Variants in GLTP observed in about 807,000 individuals in gnomAD.
The protein encoded by GLTP is glycolipid transfer protein.
GLTP carries 22 observed loss-of-function variants against 24.0 expected under a neutral mutation model. The observed-to-expected ratio is 0.92, with a 90% CI of 0.65 to 1.31. GLTP has a LOEUF of 1.31. Among genes scored for constraint, GLTP ranks in the 50% most tolerant of loss-of-function variants. The probability of loss-of-function intolerance (pLI) is 0.00; values close to 1 mark genes in which losing one functional copy is unlikely to be tolerated. For synonymous variants in GLTP, 92 were observed against 115.9 expected, an observed-to-expected ratio of 0.79 and a Z score of 1.33; for missense variants, 224 against 276.6, an observed-to-expected ratio of 0.81 and a Z score of 1.35.
At chr12:109,876,114 G>A (rs1311357335) in intron 1 of GLTP, among the ~76,000 whole-genome samples, 4 of 152,148 alleles carry the variant, frequency 2.6e-5, no homozygotes, top group South Asian at 2.1e-4. Context: ...AGGCTGAGGC[G>A]GACAGATCAC....
Position 109,880,408 on chromosome 12 carries a change from G to C in GLTP, c.-34C>G. ...CGAGGCCCGCGGTGATGCCCCAGCCGGCGCCGCGGGCGTCGACACCGCCCC... is the reference window on the plus strand; with the variant it reads ...CGAGGCCCGCGGTGATGCCCCAGCCCGCGCCGCGGGCGTCGACACCGCCCC... On this transcript the variant is annotated 5_prime_UTR_variant, in exon 1 of 5. Coordinates refer to ENST00000318348, the MANE Select transcript of GLTP (RefSeq NM_016433.4). This position sits in a 1 kb window ranked among gnomAD's most constrained non-coding sequence, Gnocchi z 5.1. 1.7e-6 allele frequency: 2 copies of C among 1,190,194 alleles called. No homozygotes were observed. The highest frequency in any genetic ancestry group is 2.3e-6 in the Non-Finnish European group (2 of 881,824). 73.7% of individuals were successfully genotyped at this position (1,190,194 alleles called of 1,614,324 possible).
At chr12:109,873,552 T>C (rs1868793723) in intron 1 of GLTP, among the ~76,000 whole-genome samples, 1 of 147,870 alleles carries the variant, frequency 6.8e-6, no homozygotes, top group Non-Finnish European at 1.5e-5. Context: ...GAGAATCACT[T>C]GAACCCAGGA....
At chr12:109,858,106 A>G (rs936624776) in intron 2 of GLTP, 6 of 458,532 alleles carry the variant, frequency 1.3e-5, no homozygotes, top group Non-Finnish European at 2.6e-5. Context: ...GGAGCCAGGT[A>G]GGCCTGGGTC....
In GLTP at chr12:109,852,629, T is replaced by C. The variant is rs752001793; in HGVS notation, c.556A>G (p.Asn186Asp). Reference protein sequence around the residue: ...CLEKIRLFLVNYTATIDVIYE... With the variant: ...CLEKIRLFLVDYTATIDVIYE... ...ATGACATCGATGGTCGCCGTGTAGT[T>C]GACTAGGAAGAGGCGGATCTTCTCC... The change falls in exon 5 of 5, where the codon AAC becomes GAC. Residue 186 changes from asparagine to aspartate, a missense_variant. Asn to Asp is a conservative substitution (Grantham distance 23). Transcript: ENST00000318348. 2.0e-5 allele frequency: 32 copies of C among 1,606,104 alleles called. 1 individual carries two copies. The highest frequency in any genetic ancestry group is 3.3e-5 in the Admixed American group (2 of 60,000).
chr12:109,867,297 C>A (rs887743440), intron 1 of GLTP, among the ~76,000 whole-genome samples: 1 of 151,906 alleles, frequency 6.6e-6, no homozygotes, highest in African/African-American at 2.4e-5. Flanking sequence ...TACAGGCGCA[C>A]GCCACCATGC....
rs980460744 is a variant in GLTP, at chr12:109,857,486, T to C, written c.296+40A>G. ...AGTGACAGGTTTGCTTTCCCTCCTC[T>C]GCAGCACAGAGCCCAGGCCCTGCCA... On this transcript the variant is annotated intron_variant, in intron 3 of 4. Transcript: ENST00000318348. This position sits in a 1 kb window ranked among gnomAD's most constrained non-coding sequence, Gnocchi z 4.3. The C allele has an allele frequency of 5.6e-6, 9 of 1,608,982 alleles. No individual in the cohort carries two copies. In the African/African-American group the frequency reaches 1.1e-4, roughly 19 times the overall value.
chr12:109,869,012 C>T (rs1423192984), intron 1 of GLTP, among the ~76,000 whole-genome samples: 1 of 152,064 alleles, frequency 6.6e-6, no homozygotes, highest in African/African-American at 2.4e-5. Context: ...AAAAACTTCA[C>T]CCCCGGGCCA....
intron 1 of GLTP, among the ~76,000 whole-genome samples, chr12:109,877,377 C>T (rs958981077): frequency 6.6e-6 from 1 of 152,172 alleles, no homozygotes; most frequent in Non-Finnish European, 1.5e-5. Context: ...ATTGACAGAT[C>T]TTCCTTGCAG....
intron 1 of GLTP, among the ~76,000 whole-genome samples, chr12:109,871,192 C>T (rs1347014051): frequency 6.6e-6 from 1 of 150,732 alleles, no homozygotes; most frequent in African/African-American, 2.4e-5. Flanking sequence ...AAGCGATTCT[C>T]CTGCCTCAGC....
intron 1 of GLTP, among the ~76,000 whole-genome samples, chr12:109,862,605 CTGGACG>C (rs1174388553): frequency 6.6e-6 from 1 of 152,172 alleles, no homozygotes; most frequent in Non-Finnish European, 1.5e-5. Context: ...GTATAATGAG[CTGGACG>C]TGGTGGCATG....
intron 1 of GLTP, among the ~76,000 whole-genome samples, chr12:109,873,426 A>G (rs1311451736): frequency 1.3e-5 from 2 of 152,090 alleles, no homozygotes; most frequent in South Asian, 4.1e-4. Flanking sequence ...TGAGGTCAGG[A>G]GTTCAAGACC....
rs1383912940 is a variant in GLTP, at chr12:109,852,452, G to A, written c.*103C>T. ...GGCAGGACCCTGGGCTGCTCTGGGGGACACAGGCCAGGGGCAGTTCACCGA... is the reference window on the plus strand; with the variant it reads ...GGCAGGACCCTGGGCTGCTCTGGGGAACACAGGCCAGGGGCAGTTCACCGA... On this transcript the variant is annotated 3_prime_UTR_variant, in exon 5 of 5. Transcript: ENST00000318348. The A allele has an allele frequency of 2.7e-6, 2 of 753,832 alleles. No individual in the cohort carries two copies. The highest frequency in any genetic ancestry group is 4.7e-6 in the Non-Finnish European group (2 of 429,316). 46.7% of individuals were successfully genotyped at this position (753,832 alleles called of 1,614,324 possible).
In GLTP at chr12:109,855,412, C is replaced by T. The variant is rs1892781096; in HGVS notation, c.447+207G>A. ...ACCGTGGAGTAGCTACAGTGACACC[C>T]GCTGCAGCTGTGAATGGGGCTGGCC... On this transcript the variant is annotated intron_variant, in intron 4 of 4. Transcript: ENST00000318348. This position sits in a 1 kb window ranked among gnomAD's most constrained non-coding sequence, Gnocchi z 4.1. Among the ~76,000 whole-genome samples, 2 of 152,114 alleles carry T rather than the reference C, an allele frequency of 1.3e-5. No homozygotes were observed. The highest frequency in any genetic ancestry group is 2.4e-5 in the African/African-American group (1 of 41,434).
intron 1 of GLTP, among the ~76,000 whole-genome samples, chr12:109,877,324 G>C (rs995035683): frequency 1.3e-5 from 2 of 152,248 alleles, no homozygotes; most frequent in South Asian, 4.1e-4. Flanking sequence ...TGAGTGACGG[G>C]GAAATTTTTA....
At chr12:109,874,750 TTTTAG>T (rs1296025243) in intron 1 of GLTP, among the ~76,000 whole-genome samples, 2 of 152,148 alleles carry the variant, frequency 1.3e-5, no homozygotes, top group Admixed American at 6.6e-5. Flanking sequence ...ATGTATCTTA[TTTTAG>T]TTTAGTTTAG....
chr12:109,878,849 C>A (rs956733087), intron 1 of GLTP, among the ~76,000 whole-genome samples: 19 of 152,146 alleles, frequency 1.2e-4, no homozygotes, highest in African/African-American at 3.4e-4. Flanking sequence ...GGTTGCTTAC[C>A]CAGGTCTGGG....
At position 109,880,378 on chromosome 12, in the gene GLTP, G is replaced by C. The variant is rs201843232; in HGVS notation, c.-4C>G. ...AGTGTTCGGCCAGCAGCGCCATTTCGGGGTCGAGGCCCGCGGTGATGCCCC... is the reference window on the plus strand; with the variant it reads ...AGTGTTCGGCCAGCAGCGCCATTTCCGGGTCGAGGCCCGCGGTGATGCCCC... On this transcript the variant is annotated 5_prime_UTR_variant, in exon 1 of 5. Coordinates refer to ENST00000318348, the MANE Select transcript of GLTP (RefSeq NM_016433.4). The surrounding 1 kb of genome is among the most constrained non-coding windows in gnomAD (Gnocchi z 5.1). 5 of 1,576,220 alleles carry C rather than the reference G, an allele frequency of 3.2e-6. No individual in the cohort carries two copies. The highest frequency in any genetic ancestry group is 2.4e-5 in the East Asian group (1 of 41,400).
intron 1 of GLTP, among the ~76,000 whole-genome samples, chr12:109,876,095 C>A (rs1361621843): frequency 6.6e-6 from 1 of 152,164 alleles, no homozygotes; most frequent in Non-Finnish European, 1.5e-5. Context: ...GTAATCCCAG[C>A]CCTTTGGGAG....
At chr12:109,861,605 G>A (rs774768236) in intron 1 of GLTP, among the ~76,000 whole-genome samples, 1 of 152,004 alleles carries the variant, frequency 6.6e-6, no homozygotes, top group Non-Finnish European at 1.5e-5. Flanking sequence ...AAAATTAGCC[G>A]GGCGTGGTAG....
Sources: gnomAD v4.1 joint callset for allele counts (sites outside exome capture counted in the v4.1 genomes callset) on GRCh38, gnomAD v4.1.1 for gene constraint, Gnocchi (gnomAD v3.1) non-coding constraint, MANE v1.5 for transcripts, NCBI Gene and HGNC (gene_info 2026-07-23, HGNC 2026-07-21) for gene names.